The following BACE2 variants were observed in gnomAD, a reference collection of about 807,000 sequenced individuals.
The protein encoded by BACE2 is 56 kDa aspartic-like protease.
Under a neutral mutation model 46.2 loss-of-function variants are expected in BACE2, and 17 were observed. The ratio of observed to expected loss-of-function variants is 0.37; its 90% CI spans 0.25 to 0.55. The LOEUF is 0.55. Among genes scored for constraint, BACE2 ranks in the 20% least tolerant of loss-of-function variants. The pLI, the probability that BACE2 is intolerant of heterozygous loss-of-function variation, is 0.82. For synonymous variants in BACE2, 277 were observed against 295.9 expected (o/e 0.94, Z 0.66); for missense variants, 595 against 698.1 (o/e 0.85, Z 1.66).
chr21:41,176,134 G>T (rs1453575671), intron 1 of BACE2: 1 of 152,202 alleles, frequency 6.6e-6, no homozygotes, highest in East Asian at 1.9e-4. Flanking sequence ...AACAGTCAAT[G>T]ATATCATCTA....
At chr21:41,190,267 TAAG>T (rs568699835) in intron 1 of BACE2, among the ~76,000 whole-genome samples, 6 of 152,168 alleles carry the variant, frequency 3.9e-5, no homozygotes, top group Non-Finnish European at 7.3e-5. Flanking sequence ...AAGACAATAA[TAAG>T]GTCATAATTA....
intron 1 of BACE2, chr21:41,176,798 C>T (rs555176446): frequency 6.6e-6 from 1 of 152,222 alleles, no homozygotes; most frequent in Admixed American, 6.5e-5. Flanking sequence ...TATCACAGGG[C>T]CACAAGGTGT....
intron 1 of BACE2, among the ~76,000 whole-genome samples, chr21:41,206,984 G>T (rs1986146287): frequency 6.6e-6 from 1 of 152,158 alleles, no homozygotes; most frequent in African/African-American, 2.4e-5. Context: ...CTAGGGTAAA[G>T]TTAACGATGT....
At chr21:41,213,343 A>G (rs1601275314) in intron 1 of BACE2, among the ~76,000 whole-genome samples, 1 of 152,220 alleles carries the variant, frequency 6.6e-6, no homozygotes, top group East Asian at 1.9e-4. Flanking sequence ...AGGACTTAGC[A>G]TGGGTCTCAA....
At chr21:41,214,508 G>A (rs1379400601) in intron 1 of BACE2, among the ~76,000 whole-genome samples, 1 of 152,170 alleles carries the variant, frequency 6.6e-6, no homozygotes, top group Non-Finnish European at 1.5e-5. Context: ...TTTTCATCGT[G>A]GGGGCATAGA....
intron 8 of BACE2, among the ~76,000 whole-genome samples, chr21:41,273,305 A>G (rs776886911): frequency 6.6e-6 from 1 of 152,200 alleles, no homozygotes; most frequent in Non-Finnish European, 1.5e-5. Context: ...ACCAAAATTT[A>G]TTAGGCGGAA....
At chr21:41,231,155 G>A (rs1417940957) in intron 2 of BACE2, among the ~76,000 whole-genome samples, 1 of 152,174 alleles carries the variant, frequency 6.6e-6, no homozygotes, top group Non-Finnish European at 1.5e-5. Flanking sequence ...CCTGATTATT[G>A]AGATCATTTC....
At chr21:41,272,295 C>G (rs1266196934) in intron 8 of BACE2, among the ~76,000 whole-genome samples, 1 of 151,934 alleles carries the variant, frequency 6.6e-6, no homozygotes, top group Non-Finnish European at 1.5e-5. Context: ...TAATCTATGT[C>G]ATGTTTCTTG....
chr21:41,219,253 A>C (rs1036810848), intron 1 of BACE2, among the ~76,000 whole-genome samples: 2 of 152,240 alleles, frequency 1.3e-5, no homozygotes, highest in Non-Finnish European at 2.9e-5. Flanking sequence ...GATATATCAC[A>C]TAAAATTGTA....
At chr21:41,226,488 A>G (rs999601674) in intron 2 of BACE2, 134 bp downstream of exon 2, 3 of 727,364 alleles carry the variant, frequency 4.1e-6, no homozygotes, top group Non-Finnish European at 7.0e-6. Flanking sequence ...GTGTATGTAT[A>G]CACACATGTG....
chr21:41,224,370 A>G (rs1275572540), intron 1 of BACE2, among the ~76,000 whole-genome samples: 1 of 151,966 alleles, frequency 6.6e-6, no homozygotes. Context: ...GTGTGCCACC[A>G]CGTCCGGCTA....
At chr21:41,226,138 ATACTTT>A in intron 1 of BACE2, 122 bp from the exon 2 acceptor site, 1 of 677,946 alleles carries the variant, frequency 1.5e-6, no homozygotes, top group South Asian at 1.9e-5. Flanking sequence ...CCTCGTCAGT[ATACTTT>A]TTTTTTGTTC....
intron 7 of BACE2, 60 bp downstream of exon 7, chr21:41,250,961 C>A (rs1486751676): frequency 6.6e-7 from 1 of 1,504,806 alleles, no homozygotes; most frequent in Non-Finnish European, 9.1e-7. Flanking sequence ...GCACTCCATG[C>A]ATGACACGTG....
At chr21:41,240,146 C>A (rs1162788174) in intron 3 of BACE2, among the ~76,000 whole-genome samples, 1 of 152,182 alleles carries the variant, frequency 6.6e-6, no homozygotes, top group African/African-American at 2.4e-5. Flanking sequence ...ACAGGGCCTG[C>A]AGGGTGAGCT....
At chr21:41,217,581 G>A (rs539564368) in intron 1 of BACE2, among the ~76,000 whole-genome samples, 3 of 152,328 alleles carry the variant, frequency 2.0e-5, no homozygotes, top group Non-Finnish European at 4.4e-5. Flanking sequence ...CAGCTTTGGC[G>A]AGGTATCTGC....
chr21:41,190,819 T>C (rs992784997), intron 1 of BACE2, among the ~76,000 whole-genome samples: 1 of 152,168 alleles, frequency 6.6e-6, no homozygotes, highest in Non-Finnish European at 1.5e-5. Flanking sequence ...AGTAGACTGA[T>C]TTCATCTTGA....
Position 41,275,165 on chromosome 21 carries a change from A to G in BACE2, c.1304-206A>G, listed in dbSNP as rs73368337. Among the ~76,000 whole-genome samples, 708 of 152,162 alleles carry G rather than the reference A, an allele frequency of 4.7e-3. 2 individuals carry two copies. The highest frequency in any genetic ancestry group is 0.016 in the African/African-American group (648 of 41,530). Reference sequence around the variant, plus strand: ...GCTCGGTACCCACACACCTTAAAACATGCCGTCGTTCCAGTTTGCAGGGAC... The same window carrying G: ...GCTCGGTACCCACACACCTTAAAACGTGCCGTCGTTCCAGTTTGCAGGGAC... On this transcript the variant is annotated intron_variant, in intron 8 of 8. Transcript: ENST00000330333.
At chr21:41,172,947 T>G (rs1984658039) in intron 1 of BACE2, among the ~76,000 whole-genome samples, 1 of 152,198 alleles carries the variant, frequency 6.6e-6, no homozygotes, top group African/African-American at 2.4e-5. Flanking sequence ...TGCTGGCATT[T>G]CTTGACCCTT....
chr21:41,191,059 G>T (rs572506224), intron 1 of BACE2, among the ~76,000 whole-genome samples: 2 of 152,212 alleles, frequency 1.3e-5, no homozygotes, highest in African/African-American at 4.8e-5. Flanking sequence ...ATCACTAGGG[G>T]TGATGGTGAG....
Sources: allele counts gnomAD v4.1 joint callset (sites outside exome capture counted in the v4.1 genomes callset), GRCh38; gene constraint gnomAD v4.1.1; transcripts MANE v1.5; gene names NCBI Gene and HGNC (gene_info 2026-07-23, HGNC 2026-07-21).